Variants in SMARCA1 observed in about 807,000 individuals in gnomAD.
SMARCA1 encodes the protein SWI/SNF-related matrix-associated actin-dependent regulator of chromatin subfamily A member 1.
Under a neutral mutation model 93.6 loss-of-function variants are expected in SMARCA1, and 17 were observed. That is an observed-to-expected ratio of 0.18 (90% CI 0.12 to 0.27). The LOEUF is 0.27. SMARCA1 is among the 10% of genes least tolerant of loss of function. The pLI is 1.00. For synonymous variants in SMARCA1, 271 were observed against 271.4 expected, an observed-to-expected ratio of 1.00 and a Z score of 0.01; for missense variants, 630 against 819.0, an observed-to-expected ratio of 0.77 and a Z score of 2.82.
intron 21 of SMARCA1, among the ~76,000 whole-genome samples, chrX:129,466,637 T>A (rs1932915364): frequency 9.0e-6 from 1 of 110,865 alleles, no homozygotes; most frequent in Admixed American, 9.6e-5. Context: ...CCTGGGCGAT[T>A]AAGTGAGACT....
Position 129,511,851 on chromosome X carries a change from C to T in SMARCA1, c.763G>A (p.Val255Ile). 4 of 1,206,199 alleles carry T rather than the reference C, an allele frequency of 3.3e-6. No homozygotes were observed. The highest frequency in any genetic ancestry group is 3.0e-5 in the East Asian group (1 of 33,686). The change falls in exon 6 of 25, where the codon GTC becomes ATC. Residue 255 changes from valine (V) to isoleucine (I), a missense_variant. Val to Ile is a conservative substitution (Grantham distance 29). This residue lies in a region of SMARCA1 where 382 missense variants were observed against 537.9 expected (regional missense o/e 0.71). Coordinates refer to ENST00000371121, the MANE Select transcript of SMARCA1 (RefSeq NM_001282874.2). ...HNWMNEFKRWVPSLRVICFVG... is the reference protein window; with the variant it reads ...HNWMNEFKRWIPSLRVICFVG... ...AAACAAATGACACGGAGAGATGGGA[C>T]CCATCGTTTAAATTCATTCATCCAG... is the stretch of plus-strand genomic sequence containing the variant.
At chrX:129,453,941 CT>C (rs1932445361) in intron 23 of SMARCA1, among the ~76,000 whole-genome samples, 1 of 111,926 alleles carries the variant, frequency 8.9e-6, no homozygotes, top group East Asian at 2.8e-4. Flanking sequence ...GAAAAAACTA[CT>C]TTAAATTTCA....
chrX:129,490,702 GT>G (rs929207938), intron 14 of SMARCA1, among the ~76,000 whole-genome samples: 1 of 111,221 alleles, frequency 9.0e-6, no homozygotes, highest in Admixed American at 9.6e-5. Context: ...CAGGTGACAG[GT>G]GGCGAACTTC....
chrX:129,477,610 G>A (rs1933446188), intron 19 of SMARCA1, among the ~76,000 whole-genome samples: 1 of 111,302 alleles, frequency 9.0e-6, no homozygotes, highest in Non-Finnish European at 1.9e-5. Flanking sequence ...GTATGACCCT[G>A]AGCAAATTAT....
chrX:129,476,587 A>G (rs991502203), intron 19 of SMARCA1, among the ~76,000 whole-genome samples: 1 of 111,327 alleles, frequency 9.0e-6, no homozygotes, highest in East Asian at 2.8e-4. Flanking sequence ...GGCATCACCT[A>G]TCTCCCCTTG....
At chrX:129,457,114 T>C (rs1222715695) in intron 23 of SMARCA1, among the ~76,000 whole-genome samples, 1 of 112,133 alleles carries the variant, frequency 8.9e-6, no homozygotes, top group Non-Finnish European at 1.9e-5. Flanking sequence ...ACCACCCTGA[T>C]CAGTCAGCAG....
chrX:129,458,739 G>T (rs1324177094), intron 23 of SMARCA1, among the ~76,000 whole-genome samples: 2 of 112,162 alleles, frequency 1.8e-5, no homozygotes, highest in Non-Finnish European at 3.8e-5. Flanking sequence ...GTCTGCGCCT[G>T]TTATGGTTGA....
chrX:129,508,210 G>C lies in SMARCA1; in HGVS notation c.811-114C>G, dbSNP rs1934895415. On this transcript the variant is annotated intron_variant, in intron 6 of 24. Transcript: ENST00000371121. ...ATTAAGAATTCTAAGAGACCCTGAG[G>C]ATCATTTAGTTTCATCCATTTTAGA... 4 of 483,182 alleles carry C rather than the reference G, an allele frequency of 8.3e-6. No homozygotes were observed. The South Asian group carries it at 2.1e-4, about 26-fold the overall frequency. 39.8% of individuals were successfully genotyped at this position (483,182 alleles called of 1,213,427 possible). A position where few individuals can be genotyped will look rare whatever the true frequency, so the allele number is the denominator to read the frequency against.
chrX:129,465,523 G>A lies in SMARCA1; in HGVS notation c.3027C>T (p.Ala1009=). 1 of 1,177,258 alleles carries A rather than the reference G, an allele frequency of 8.5e-7. No homozygotes were observed. Among genetic ancestry groups the A allele is most frequent in the African/African-American group, 1.8e-5 (1 of 56,868 alleles). The change falls in exon 23 of 25, where the codon GCC becomes GCT. Residue 1009 remains alanine (A), a synonymous_variant. Coordinates refer to ENST00000371121, the MANE Select transcript of SMARCA1 (RefSeq NM_001282874.2). ...TCGGTAAGAAAGGAATACATACCAT[G>A]GCAGTCCTAGACTTGATAAACCAGT... The part of the protein sequence containing the change: ...RFDWFIKSRT[A]MEFQRRCNTL...
chrX:129,482,233 A>C (rs1933709270), intron 17 of SMARCA1, among the ~76,000 whole-genome samples: 1 of 99,966 alleles, frequency 1.0e-5, no homozygotes, highest in Non-Finnish European at 2.0e-5. Flanking sequence ...CTAATGCTAA[A>C]TGACGAGTTA....
chrX:129,504,853 C>A lies in SMARCA1; in HGVS notation c.1099-51G>T, dbSNP rs753754067. The A allele has an allele frequency of 9.3e-6, 7 of 756,661 alleles. No homozygotes were observed. The African/African-American group carries it at 1.5e-4, about 16-fold the overall frequency. 62.4% of individuals were successfully genotyped at this position (756,661 alleles called of 1,213,427 possible). A position where few individuals can be genotyped will look rare whatever the true frequency, so the allele number is the denominator to read the frequency against. On this transcript the variant is annotated intron_variant, in intron 8 of 24. Coordinates refer to ENST00000371121, the MANE Select transcript of SMARCA1 (RefSeq NM_001282874.2). ...TGAGTGCACAGTTTTTTTAAATATA[C>A]CCGATATTCTGTAGATTCTTATACA...
chrX:129,454,877 C>G (rs7880520), intron 23 of SMARCA1, among the ~76,000 whole-genome samples: 2,030 of 111,685 alleles, frequency 0.018, 58 homozygotes, highest in African/African-American at 0.062. Context: ...CTGGTCATTA[C>G]AGAAATGCAA....
At chrX:129,457,093 C>T (rs1415667547) in intron 23 of SMARCA1, among the ~76,000 whole-genome samples, 3 of 111,934 alleles carry the variant, frequency 2.7e-5, no homozygotes, top group Non-Finnish European at 3.8e-5. Context: ...CCACCCCAAC[C>T]TTCAGCAACA....
At position 129,465,399 on chromosome X, in the gene SMARCA1, GAGAA is replaced by G. The variant is rs201307583; in HGVS notation, c.3030+117_3030+120del. On this transcript the variant is annotated intron_variant, in intron 23 of 24. Transcript: ENST00000371121. Reference sequence around the variant, plus strand: ...ATGTATACACATACACACAGAGAGAGAGAAAGAGAGAGCGCCAATGTGTCAAAAT... The same window carrying G: ...ATGTATACACATACACACAGAGAGAGAGAGAGAGCGCCAATGTGTCAAAAT... 3.1e-3 allele frequency: 1,508 copies of G among 480,991 alleles called. 19 individuals are homozygous for G. The Admixed American group carries it at 0.049, about 15-fold the overall frequency. 39.6% of individuals were successfully genotyped at this position (480,991 alleles called of 1,213,427 possible).
chrX:129,502,054 G>C (rs944784305), intron 9 of SMARCA1, among the ~76,000 whole-genome samples: 1 of 111,956 alleles, frequency 8.9e-6, no homozygotes, highest in Non-Finnish European at 1.9e-5. Flanking sequence ...GTAAGGACAG[G>C]GGAAGAGTAA....
At chrX:129,495,311 A>T (rs147645703) in intron 12 of SMARCA1, among the ~76,000 whole-genome samples, 1 of 112,247 alleles carries the variant, frequency 8.9e-6, no homozygotes, top group South Asian at 3.7e-4. Flanking sequence ...GTTTAATATT[A>T]TAAGTGTTTT....
intron 19 of SMARCA1, among the ~76,000 whole-genome samples, chrX:129,479,809 T>C (rs913172060): frequency 1.8e-5 from 2 of 110,343 alleles, no homozygotes; most frequent in Non-Finnish European, 3.8e-5. Context: ...GCGATTCTCC[T>C]GCCTCAGCCT....
chrX:129,464,900 T>C (rs1001073128), intron 23 of SMARCA1, among the ~76,000 whole-genome samples: 3 of 111,765 alleles, frequency 2.7e-5, no homozygotes, highest in Non-Finnish European at 5.6e-5. Context: ...CAATGAGTAA[T>C]GAGGTAAATC....
chrX:129,503,541 A>G, intron 9 of SMARCA1, among the ~76,000 whole-genome samples: 1 of 111,937 alleles, frequency 8.9e-6, no homozygotes, highest in Non-Finnish European at 1.9e-5. Context: ...CACAACAGAA[A>G]TAAGCTGATA....
Sources: gnomAD v4.1 joint callset for allele counts (sites outside exome capture counted in the v4.1 genomes callset) on GRCh38, gnomAD v4.1.1 for gene constraint, gnomAD v4.1.1 regional missense constraint, MANE v1.5 for transcripts, NCBI Gene and HGNC (gene_info 2026-07-23, HGNC 2026-07-21) for gene names.